Variants in CTNNA3 observed in about 807,000 individuals in gnomAD.
CTNNA3 encodes catenin alpha 3, also known as catenin alpha-3.
In CTNNA3, 76 loss-of-function variants were observed where a neutral mutation model predicts 95.7. The ratio of observed to expected loss-of-function variants is 0.79; its 90% CI spans 0.66 to 0.96. The LOEUF is 0.96. CTNNA3 is among the 40% of genes least tolerant of loss of function. CTNNA3 has a pLI of 0.00. For synonymous variants in CTNNA3, 431 were observed against 374.4 expected, an observed-to-expected ratio of 1.15 and a Z score of -1.74; for missense variants, 1,191 against 1,089.8, an observed-to-expected ratio of 1.09 and a Z score of -1.31.
chr10:67,672,293 C>G (rs142385583), intron 1 of CTNNA3, among the ~76,000 whole-genome samples: 12 of 151,830 alleles, frequency 7.9e-5, no homozygotes, highest in Non-Finnish European at 1.6e-4. Context: ...CGAAAATTTT[C>G]TCCCATTTTG....
intron 13 of CTNNA3, among the ~76,000 whole-genome samples, chr10:66,202,039 G>C (rs886351259): frequency 1.1e-4 from 17 of 152,046 alleles, no homozygotes; most frequent in African/African-American, 3.9e-4. Context: ...CAGCCACCCT[G>C]GCCTCCCAAA....
chr10:67,507,166 G>A (rs569646925), intron 5 of CTNNA3, among the ~76,000 whole-genome samples: 2 of 152,288 alleles, frequency 1.3e-5, no homozygotes, highest in East Asian at 3.9e-4. Context: ...TAAATTCCTA[G>A]ACACATAAAA....
chr10:66,370,441 T>C (rs949792292), intron 12 of CTNNA3, among the ~76,000 whole-genome samples: 2 of 152,186 alleles, frequency 1.3e-5, no homozygotes, highest in African/African-American at 4.8e-5. Context: ...CACTATGTTA[T>C]GGTTTATAAA....
At chr10:65,968,015 T>G (rs547950216) in intron 16 of CTNNA3, among the ~76,000 whole-genome samples, 1 of 152,188 alleles carries the variant, frequency 6.6e-6, no homozygotes, top group South Asian at 2.1e-4. Flanking sequence ...TTTCAAAGGA[T>G]GTGGAAAAAT....
chr10:66,018,588 C>G (rs2079140537), intron 15 of CTNNA3, among the ~76,000 whole-genome samples: 1 of 152,054 alleles, frequency 6.6e-6, no homozygotes, highest in Non-Finnish European at 1.5e-5. Context: ...ATTACATAAT[C>G]AACACTTCTG....
chr10:67,047,601 G>A (rs144461348), intron 7 of CTNNA3, among the ~76,000 whole-genome samples: 196 of 152,094 alleles, frequency 1.3e-3, no homozygotes, highest in Admixed American at 3.1e-3. Context: ...TCAGGCTCTC[G>A]TATAGGCAAT....
At position 67,696,144 on chromosome 10, in the gene CTNNA3, G is replaced by A. The variant is rs943372866; in HGVS notation, c.-150C>T. The A allele has an allele frequency of 6.6e-6, 1 of 152,018 alleles. No homozygotes were observed. The allele number at this position is 152,018 out of a possible 1,614,324, so 9.4% of individuals were successfully genotyped here. On this transcript the variant is annotated 5_prime_UTR_variant, in exon 1 of 18. Transcript: ENST00000433211. ...ACCAAATTGAGAGGCAGATGACAGT[G>A]GGGCAGTCAATTTCGCTGAGCGTTG...
chr10:66,733,278 G>GA (rs201972721), intron 9 of CTNNA3, among the ~76,000 whole-genome samples: 5 of 151,738 alleles, frequency 3.3e-5, no homozygotes, highest in East Asian at 1.9e-4. Flanking sequence ...GTGTGTAGTA[G>GA]AAAAAAAAGT....
At chr10:67,306,519 A>T (rs1840558818) in intron 5 of CTNNA3, among the ~76,000 whole-genome samples, 1 of 152,178 alleles carries the variant, frequency 6.6e-6, no homozygotes, top group Admixed American at 6.5e-5. Context: ...ACATCCAGGA[A>T]CCTTAATTAA....
intron 11 of CTNNA3, among the ~76,000 whole-genome samples, chr10:66,516,661 A>C (rs1360320420): frequency 6.6e-6 from 1 of 152,186 alleles, no homozygotes; most frequent in African/African-American, 2.4e-5. Context: ...TTAATCACTT[A>C]TCAGCACCCT....
intron 5 of CTNNA3, among the ~76,000 whole-genome samples, chr10:67,348,492 T>C (rs566766702): frequency 1.6e-4 from 25 of 152,222 alleles, no homozygotes; most frequent in Non-Finnish European, 2.8e-4. Context: ...CTGCAGGCTG[T>C]ACACAAAGCG....
intron 5 of CTNNA3, among the ~76,000 whole-genome samples, chr10:67,289,843 A>G (rs1589130689): frequency 6.6e-6 from 1 of 152,134 alleles, no homozygotes; most frequent in East Asian, 1.9e-4. Flanking sequence ...CAGTGTCTCA[A>G]TCTGTCTCCC....
chr10:66,647,511 C>CTTTTTTTTTTT (rs59117038), intron 9 of CTNNA3, among the ~76,000 whole-genome samples: 1 of 146,486 alleles, frequency 6.8e-6, no homozygotes, highest in Non-Finnish European at 1.5e-5. Context: ...AAAAATTACT[C>CTTTTTTTTTTT]TTTTTTTTTT....
intron 7 of CTNNA3, among the ~76,000 whole-genome samples, chr10:66,914,449 C>T (rs940579134): frequency 1.1e-4 from 17 of 151,522 alleles, no homozygotes; most frequent in Admixed American, 5.3e-4. Context: ...GAATCTTAAC[C>T]GTAGAGAAAC....
At chr10:67,559,450 T>A (rs1156910894) in intron 3 of CTNNA3, among the ~76,000 whole-genome samples, 1 of 151,784 alleles carries the variant, frequency 6.6e-6, no homozygotes, top group Non-Finnish European at 1.5e-5. Flanking sequence ...GAAGGAAAAA[T>A]AACAAACAGA....
chr10:66,633,679 CA>C (rs112224526), intron 9 of CTNNA3, among the ~76,000 whole-genome samples: 2,511 of 144,882 alleles, frequency 0.017, 75 homozygotes, highest in African/African-American at 0.058. Context: ...GACTCCATCT[CA>C]AAAAAAAAAA....
intron 9 of CTNNA3, among the ~76,000 whole-genome samples, chr10:66,642,949 G>T (rs1284805246): frequency 6.6e-6 from 1 of 152,042 alleles, no homozygotes; most frequent in Non-Finnish European, 1.5e-5. Context: ...CCACTAAAAA[G>T]ACCTTTTCAA....
At chr10:66,571,574 G>A (rs1842868496) in intron 10 of CTNNA3, among the ~76,000 whole-genome samples, 1 of 152,136 alleles carries the variant, frequency 6.6e-6, no homozygotes, top group Non-Finnish European at 1.5e-5. Flanking sequence ...TTTATTCAGT[G>A]TTTTAAAATT....
intron 11 of CTNNA3, among the ~76,000 whole-genome samples, chr10:66,474,928 A>G (rs180813061): frequency 2.0e-5 from 3 of 152,018 alleles, no homozygotes. Flanking sequence ...GTTTTTTGCT[A>G]TTGAGTTCAG....
Sources: gnomAD v4.1 joint callset for allele counts (sites outside exome capture counted in the v4.1 genomes callset) on GRCh38, gnomAD v4.1.1 for gene constraint, MANE v1.5 for transcripts, NCBI Gene and HGNC (gene_info 2026-07-23, HGNC 2026-07-21) for gene names.